Variants in CARMIL1 observed in about 807,000 individuals in gnomAD.
CARMIL1 encodes capping protein regulator and myosin 1 linker 1, also known as F-actin-uncapping protein LRRC16A.
Under a neutral mutation model 177.1 loss-of-function variants are expected in CARMIL1, and 90 were observed. The ratio of observed to expected loss-of-function variants is 0.51; its 90% confidence interval spans 0.43 to 0.61. The LOEUF (loss-of-function observed/expected upper bound fraction) is 0.61. CARMIL1 is among the 20% of genes least tolerant of loss of function. The probability of loss-of-function intolerance (pLI) is 0.00; values close to 1 mark genes in which losing one functional copy is unlikely to be tolerated. For synonymous variants in CARMIL1, 577 were observed against 606.2 expected (o/e 0.95, Z 0.71); for missense variants, 1,380 against 1,667.0 (o/e 0.83, Z 3.00).
chr6:25,419,460 T>C (rs1249519310), intron 2 of CARMIL1, among the ~76,000 whole-genome samples: 1 of 152,150 alleles, frequency 6.6e-6, no homozygotes, highest in African/African-American at 2.4e-5. Flanking sequence ...CCCCTTAGTA[T>C]TCATGAGGGC....
chr6:25,596,110 C>T (rs967637004), intron 32 of CARMIL1, among the ~76,000 whole-genome samples: 2 of 151,888 alleles, frequency 1.3e-5, no homozygotes, highest in African/African-American at 2.4e-5. Flanking sequence ...GATTTTCTCT[C>T]CCGTTAATGC....
chr6:25,320,043 A>G (rs1312242116), intron 2 of CARMIL1, among the ~76,000 whole-genome samples: 1 of 152,260 alleles, frequency 6.6e-6, no homozygotes, highest in Non-Finnish European at 1.5e-5. Context: ...GTCGATGAAC[A>G]TGGTCAATCT....
chr6:25,490,607 A>T (rs953212317), intron 13 of CARMIL1, among the ~76,000 whole-genome samples: 1 of 152,064 alleles, frequency 6.6e-6, no homozygotes, highest in Non-Finnish European at 1.5e-5. Context: ...TTGAAGCGGG[A>T]GGATGGCTTG....
At chr6:25,607,790 A>G (rs1452963827) in intron 35 of CARMIL1, among the ~76,000 whole-genome samples, 1 of 152,106 alleles carries the variant, frequency 6.6e-6, no homozygotes, top group Admixed American at 6.5e-5. Context: ...CCTGGTCTTC[A>G]TAGCCCATTG....
At chr6:25,588,500 C>T (rs536412838) in intron 31 of CARMIL1, among the ~76,000 whole-genome samples, 5 of 152,216 alleles carry the variant, frequency 3.3e-5, no homozygotes, top group East Asian at 3.9e-4. Flanking sequence ...GGGCCAGGTC[C>T]GAAAGGATGA....
intron 17 of CARMIL1, among the ~76,000 whole-genome samples, chr6:25,506,187 A>G (rs62392334): frequency 0.21 from 32,499 of 152,198 alleles, 3,800 homozygotes; most frequent in Non-Finnish European, 0.24. Flanking sequence ...CAGAATTGCA[A>G]ATGTTCCACG....
intron 26 of CARMIL1, among the ~76,000 whole-genome samples, chr6:25,549,624 T>C: frequency 6.6e-6 from 1 of 152,220 alleles, no homozygotes; most frequent in Middle Eastern, 3.2e-3. Context: ...ATTATCCTTG[T>C]AAACAGCCTG....
At chr6:25,382,803 A>G (rs1791703550) in intron 2 of CARMIL1, among the ~76,000 whole-genome samples, 1 of 152,134 alleles carries the variant, frequency 6.6e-6, no homozygotes, top group Non-Finnish European at 1.5e-5. Context: ...ACAATTCTCT[A>G]CCTAGACAGA....
intron 1 of CARMIL1, among the ~76,000 whole-genome samples, chr6:25,280,257 A>C (rs1053258425): frequency 1.4e-4 from 21 of 152,220 alleles, no homozygotes; most frequent in African/African-American, 4.8e-4. Context: ...TTGGAAGGAC[A>C]GGTGGCGAGC....
intron 2 of CARMIL1, among the ~76,000 whole-genome samples, chr6:25,329,585 C>G (rs752923997): frequency 1.1e-4 from 16 of 152,180 alleles, no homozygotes; most frequent in Non-Finnish European, 2.1e-4. Context: ...TAGTAAGTGA[C>G]ATTGCTGGTA....
intron 2 of CARMIL1, among the ~76,000 whole-genome samples, chr6:25,394,894 C>A (rs995782911): frequency 4.6e-5 from 7 of 152,092 alleles, no homozygotes; most frequent in African/African-American, 1.7e-4. Flanking sequence ...TTTCCTTTTG[C>A]CTTAGCAGAG....
rs1348225958 is a variant in CARMIL1 at position 25,441,335 on chromosome 6, A to ATGTG, written c.371+5732_371+5733insGTGT. Reference sequence around the variant, plus strand: ...AACAAACAAACATATATATATATATATATGTGTGTGTGTGTGTGTGTGTGT... The same window carrying ATGTG: ...AACAAACAAACATATATATATATATATGTGTATGTGTGTGTGTGTGTGTGTGTGT... On this transcript the variant is annotated intron_variant, in intron 5 of 36. Transcript: ENST00000329474. Among the ~76,000 whole-genome samples the ATGTG allele has an allele frequency of 5.4e-4, 36 of 66,844 alleles. 1 individual carries two copies. Among genetic ancestry groups the ATGTG allele is most frequent in the African/African-American group, 1.2e-3 (23 of 18,856 alleles). The allele number at this position is 66,844 out of a possible 152,430, so 43.9% of individuals were successfully genotyped here.
chr6:25,410,389 C>A (rs1794803384), intron 2 of CARMIL1, among the ~76,000 whole-genome samples: 1 of 152,168 alleles, frequency 6.6e-6, no homozygotes, highest in African/African-American at 2.4e-5. Context: ...TTATTGGACT[C>A]CTTCATGTGC....
At chr6:25,600,219 A>G (rs1815251401) in intron 32 of CARMIL1, 95 bp from the exon 33 acceptor site, 4 of 1,158,970 alleles carry the variant, frequency 3.5e-6, no homozygotes, top group South Asian at 1.5e-5. Context: ...TGGTTACTGT[A>G]TATGTAGCAA....
At chr6:25,316,530 G>A (rs538541818) in intron 2 of CARMIL1, among the ~76,000 whole-genome samples, 24 of 151,576 alleles carry the variant, frequency 1.6e-4, no homozygotes, top group Non-Finnish European at 8.8e-5. Context: ...TCCTGCCTCA[G>A]CCTCCCAAGT....
At chr6:25,471,631 G>C (rs1274211952) in intron 10 of CARMIL1, among the ~76,000 whole-genome samples, 3 of 152,144 alleles carry the variant, frequency 2.0e-5, no homozygotes, top group African/African-American at 7.2e-5. Context: ...TAGGGTAAAT[G>C]AATTAATATA....
intron 29 of CARMIL1, among the ~76,000 whole-genome samples, chr6:25,572,879 T>C (rs1252618758): frequency 2.0e-5 from 3 of 152,226 alleles, no homozygotes; most frequent in Non-Finnish European, 4.4e-5. Context: ...TACTATTTTA[T>C]CTTTGTGCCT....
rs928262572 is a variant in CARMIL1 at position 25,367,487 on chromosome 6, G to A, written c.139-52627G>A. 1.4e-4 allele frequency among the ~76,000 whole-genome samples: 22 copies of A among 152,136 alleles called. 1 individual carries two copies. The highest frequency in any genetic ancestry group is 5.3e-4 in the African/African-American group (22 of 41,474). Reference sequence around the variant, plus strand: ...GTGTCTGGAAGGACCTCCTAGGGGAGAGCTAGCAAACCAACATCACCAGTG... The same window carrying A: ...GTGTCTGGAAGGACCTCCTAGGGGAAAGCTAGCAAACCAACATCACCAGTG... On this transcript the variant is annotated intron_variant, in intron 2 of 36. Coordinates refer to ENST00000329474, the MANE Select transcript of CARMIL1 (RefSeq NM_017640.6).
chr6:25,544,735 G>T (rs894543225), intron 26 of CARMIL1, among the ~76,000 whole-genome samples: 1 of 151,920 alleles, frequency 6.6e-6, no homozygotes, highest in African/African-American at 2.4e-5. Context: ...GAGCTGGGAA[G>T]GTCCAAATAT....
Sources: allele counts gnomAD v4.1 joint callset (sites outside exome capture counted in the v4.1 genomes callset), GRCh38; gene constraint gnomAD v4.1.1; transcripts MANE v1.5; gene names NCBI Gene and HGNC (gene_info 2026-07-23, HGNC 2026-07-21).